Variants in LARGE1 observed in about 807,000 individuals in gnomAD.
LARGE1 encodes LARGE xylosyl- and glucuronyltransferase 1.
LARGE1 carries 43 observed loss-of-function variants against 87.6 expected under a neutral mutation model. The observed-to-expected ratio is 0.49, with a 90% CI of 0.38 to 0.63. The LOEUF is 0.63. Among genes scored for constraint, LARGE1 ranks in the 30% least tolerant of loss-of-function variants. The pLI is 0.00. For missense variants in LARGE1, 802 were observed against 1,000.2 expected (o/e 0.80, Z 2.67); for synonymous variants, 434 against 394.6 (o/e 1.10, Z -1.18).
chr22:33,468,222 C>T (rs949503351), intron 6 of LARGE1, among the ~76,000 whole-genome samples: 2 of 152,140 alleles, frequency 1.3e-5, no homozygotes. Flanking sequence ...GCACAATTCA[C>T]CCCTCTCAAG....
chr22:33,667,395 C>G (rs2081298760), intron 2 of LARGE1, among the ~76,000 whole-genome samples: 1 of 152,216 alleles, frequency 6.6e-6, no homozygotes, highest in South Asian at 2.1e-4. Flanking sequence ...CTGAGCTCCT[C>G]CTCCTACAGG....
intron 1 of LARGE1, among the ~76,000 whole-genome samples, chr22:33,765,684 A>G (rs1055822203): frequency 9.5e-5 from 14 of 147,842 alleles, no homozygotes; most frequent in African/African-American, 3.6e-4. Context: ...CAGCCTGGGC[A>G]ACAAGAGCAA....
At chr22:33,903,791 C>G (rs1187924321) in intron 1 of LARGE1, among the ~76,000 whole-genome samples, 1 of 152,074 alleles carries the variant, frequency 6.6e-6, no homozygotes, top group Non-Finnish European at 1.5e-5. Context: ...CACCACTGCA[C>G]CCTAGCCTGG....
chr22:33,609,131 A>G (rs547979041), intron 4 of LARGE1, among the ~76,000 whole-genome samples: 3 of 152,352 alleles, frequency 2.0e-5, no homozygotes, highest in South Asian at 4.2e-4. Flanking sequence ...ATAACTACAT[A>G]TAAGTTACAA....
At chr22:33,218,048 G>C (rs1386647618) in intron 11 of LARGE1, among the ~76,000 whole-genome samples, 2 of 151,924 alleles carry the variant, frequency 1.3e-5, no homozygotes. Context: ...TCCTGCCTCA[G>C]CCTCCCAAGC....
At chr22:33,808,181 C>T (rs981587128) in intron 1 of LARGE1, among the ~76,000 whole-genome samples, 4 of 152,326 alleles carry the variant, frequency 2.6e-5, no homozygotes, top group Middle Eastern at 3.4e-3. Context: ...GCCAGTGTTC[C>T]AGGTTTTGGC....
At chr22:33,269,127 G>T (rs566645030), downstream of LARGE1, among the ~76,000 whole-genome samples, 173 of 152,240 alleles carry the variant, frequency 1.1e-3, no homozygotes, top group Non-Finnish European at 2.0e-3. Context: ...ATTTAAAGGG[G>T]CATGGTATCT....
chr22:33,375,794 C>G (rs2064973559), intron 9 of LARGE1, among the ~76,000 whole-genome samples: 1 of 152,056 alleles, frequency 6.6e-6, no homozygotes, highest in African/African-American at 2.4e-5. Context: ...GTCACTCAGG[C>G]TGGAGTGCAG....
chr22:33,321,098 G>A (rs1936668092), intron 10 of LARGE1: 1 of 152,256 alleles, frequency 6.6e-6, no homozygotes, highest in Non-Finnish European at 1.5e-5. Flanking sequence ...GTAAAATGAG[G>A]ACGACAAAAC....
At chr22:33,592,112 A>AGAGGGAGG (rs1224012569) in intron 5 of LARGE1, among the ~76,000 whole-genome samples, 1 of 101,734 alleles carries the variant, frequency 9.8e-6, no homozygotes, top group Non-Finnish European at 1.9e-5. Flanking sequence ...GAAGGGGGAC[A>AGAGGGAGG]GAGGGAGGGA....
chr22:33,665,385 T>C (rs748564908), intron 2 of LARGE1, among the ~76,000 whole-genome samples: 15 of 152,154 alleles, frequency 9.9e-5, no homozygotes, highest in Admixed American at 2.6e-4. Flanking sequence ...AAGCACACAG[T>C]AAGCACTCAA....
At position 33,277,279 on chromosome 22, in the gene LARGE1, T is replaced by C. The variant is rs375863881; in HGVS notation, c.1878-24A>G. On this transcript the variant is annotated intron_variant, in intron 13 of 14. Coordinates refer to ENST00000397394, the MANE Select transcript of LARGE1 (RefSeq NM_133642.5). ...ACCTGAGACACACGGAGAAAAGCCA[T>C]TGGGTGTAGGGAAGGAAGCCAAGCT... is the stretch of plus-strand genomic sequence containing the variant. The C allele has an allele frequency of 4.7e-4, 754 of 1,611,950 alleles. 13 individuals are homozygous for C. In the South Asian group the frequency reaches 7.6e-3, roughly 16 times the overall value.
intron 9 of LARGE1, among the ~76,000 whole-genome samples, chr22:33,380,555 A>G (rs2065124168): frequency 6.6e-6 from 1 of 152,192 alleles, no homozygotes; most frequent in African/African-American, 2.4e-5. Context: ...TAACAGACTA[A>G]CTATTGGATA....
chr22:33,369,269 T>C (rs891386088), intron 9 of LARGE1, among the ~76,000 whole-genome samples: 1 of 152,176 alleles, frequency 6.6e-6, no homozygotes, highest in South Asian at 2.1e-4. Flanking sequence ...CATTCTCAGA[T>C]AGGATTTATG....
chr22:33,497,192 C>T (rs369096994), intron 6 of LARGE1, among the ~76,000 whole-genome samples: 3 of 151,874 alleles, frequency 2.0e-5, no homozygotes, highest in African/African-American at 7.3e-5. Flanking sequence ...CCTCCTGCCT[C>T]AGTCTCCCAA....
chr22:33,113,506 C>T, the LARGE1 span, among the ~76,000 whole-genome samples: 6 of 152,308 alleles, frequency 3.9e-5, no homozygotes, highest in East Asian at 1.9e-4. Context: ...TGCACCCAGC[C>T]GTCATTTAAT....
intron 5 of LARGE1, among the ~76,000 whole-genome samples, chr22:33,595,633 G>A (rs2078957782): frequency 6.6e-6 from 1 of 152,236 alleles, no homozygotes; most frequent in South Asian, 2.1e-4. Flanking sequence ...TGATTACTGA[G>A]AAGAAGAGAG....
intron 11 of LARGE1, among the ~76,000 whole-genome samples, chr22:33,261,145 A>G (rs1340655957): frequency 6.6e-6 from 1 of 152,180 alleles, no homozygotes; most frequent in Admixed American, 6.5e-5. Context: ...AGGTGGGAAC[A>G]CAGTGGTGAA....
At chr22:33,702,728 A>G (rs1249769012) in intron 2 of LARGE1, among the ~76,000 whole-genome samples, 2 of 152,216 alleles carry the variant, frequency 1.3e-5, no homozygotes, top group Non-Finnish European at 2.9e-5. Flanking sequence ...CCATCAAATT[A>G]CAGCAGCTCC....
Sources: allele counts gnomAD v4.1 joint callset (sites outside exome capture counted in the v4.1 genomes callset), GRCh38; gene constraint gnomAD v4.1.1; transcripts MANE v1.5; gene names NCBI Gene and HGNC (gene_info 2026-07-23, HGNC 2026-07-21).